MAD1L1: variants seen among roughly 807,000 people sequenced by gnomAD.
MAD1L1 encodes mitotic spindle assembly checkpoint protein MAD1.
Under a neutral mutation model 96.9 loss-of-function variants are expected in MAD1L1, and 95 were observed. That is an observed-to-expected ratio of 0.98 (90% CI 0.83 to 1.16). The LOEUF is 1.16. MAD1L1 is among the 50% of genes most tolerant of loss of function. The pLI, the probability that MAD1L1 is intolerant of heterozygous loss-of-function variation, is 0.00. For synonymous variants in MAD1L1, 473 were observed against 396.6 expected (o/e 1.19, Z -2.29); for missense variants, 1,007 against 954.4 (o/e 1.06, Z -0.73).
intron 16 of MAD1L1, 62 bp from the exon 17 acceptor site, chr7:1,936,959 C>G: frequency 7.4e-7 from 1 of 1,356,202 alleles, no homozygotes; most frequent in Non-Finnish European, 1.0e-6. Context: ...ACGGGTCACA[C>G]ACAGCATGGG....
At chr7:1,969,844 A>G (rs1265163447) in intron 15 of MAD1L1, among the ~76,000 whole-genome samples, 1 of 152,256 alleles carries the variant, frequency 6.6e-6, no homozygotes, top group African/African-American at 2.4e-5. Context: ...AAAAACTGCC[A>G]AACATTGCTA....
chr7:2,077,043 C>A (rs1785411558), intron 11 of MAD1L1, among the ~76,000 whole-genome samples: 1 of 147,814 alleles, frequency 6.8e-6, no homozygotes, highest in Non-Finnish European at 1.5e-5. Flanking sequence ...AGAGTTACGA[C>A]TTGGTGAGCC....
chr7:2,134,249 G>T (rs1284614011), intron 11 of MAD1L1, among the ~76,000 whole-genome samples: 3 of 152,002 alleles, frequency 2.0e-5, no homozygotes, highest in Non-Finnish European at 4.4e-5. Context: ...CTGTTTTTTG[G>T]TGCTAATGTA....
intron 18 of MAD1L1, chr7:1,847,917 C>T: frequency 2.8e-6 from 1 of 356,332 alleles, no homozygotes; most frequent in South Asian, 2.1e-5. Flanking sequence ...CGCAGCTGCT[C>T]ACCTACACAG....
chr7:1,869,014 A>AGGC (rs1371416191), intron 18 of MAD1L1, among the ~76,000 whole-genome samples: 1 of 152,234 alleles, frequency 6.6e-6, no homozygotes, highest in African/African-American at 2.4e-5. Flanking sequence ...TGTGAAAGGC[A>AGGC]GGCTCTGGCT....
At chr7:1,818,877 G>A (rs1412760096) in intron 18 of MAD1L1, among the ~76,000 whole-genome samples, 1 of 151,830 alleles carries the variant, frequency 6.6e-6, no homozygotes, top group East Asian at 1.9e-4. Context: ...GGGGGTGGAC[G>A]GAGACAGGCA....
chr7:2,015,608 GTGTGGGCCTGAAC>G (rs1405721821), intron 12 of MAD1L1, among the ~76,000 whole-genome samples: 1 of 152,236 alleles, frequency 6.6e-6, no homozygotes, highest in Non-Finnish European at 1.5e-5. Context: ...CCTGCCCCAG[GTGTGGGCCTGAAC>G]CACAGCCCCC....
intron 14 of MAD1L1, among the ~76,000 whole-genome samples, chr7:1,997,769 C>T (rs547416847): frequency 6.6e-6 from 1 of 152,330 alleles, no homozygotes; most frequent in Non-Finnish European, 1.5e-5. Flanking sequence ...GGGCCAGCCC[C>T]AACCACGGTG....
intron 17 of MAD1L1, among the ~76,000 whole-genome samples, chr7:1,928,607 C>T (rs1323674484): frequency 6.6e-6 from 1 of 152,250 alleles, no homozygotes; most frequent in African/African-American, 2.4e-5. Context: ...CCTTCTTCTC[C>T]AACTCCCACT....
chr7:1,858,894 TCAGGG>T (rs1784385943), intron 18 of MAD1L1, among the ~76,000 whole-genome samples: 1 of 152,270 alleles, frequency 6.6e-6, no homozygotes, highest in African/African-American at 2.4e-5. Context: ...AGATCCCAGG[TCAGGG>T]CAGGGGGCCC....
At chr7:2,140,506 G>A (rs1427775140) in intron 11 of MAD1L1, among the ~76,000 whole-genome samples, 1 of 152,228 alleles carries the variant, frequency 6.6e-6, no homozygotes, top group African/African-American at 2.4e-5. Flanking sequence ...CAGGGAGAAG[G>A]GAGAAAAGAA....
chr7:1,989,298 C>T (rs147738416), intron 14 of MAD1L1, among the ~76,000 whole-genome samples: 5 of 152,394 alleles, frequency 3.3e-5, no homozygotes, highest in East Asian at 1.9e-4. Context: ...ACTTCTCTCA[C>T]GCCCAGGAGC....
Position 1,892,674 on chromosome 7 carries a change from T to C in MAD1L1, c.1998+5526A>G, listed in dbSNP as rs1029194151. ...CCTGTATACCTTTCCCCCTCATCCA[T>C]ATGACAAACCCGGTAGGTCGACATC... On this transcript the variant is annotated intron_variant, in intron 18 of 18. Coordinates refer to ENST00000265854, the MANE Select transcript of MAD1L1 (RefSeq NM_001013836.2). Among the ~76,000 whole-genome samples the C allele has an allele frequency of 7.2e-5, 11 of 152,164 alleles. 1 individual carries two copies. Among genetic ancestry groups the C allele is most frequent in the African/African-American group, 2.7e-4 (11 of 41,426 alleles).
At position 1,816,116 on chromosome 7, in the gene MAD1L1, A is replaced by C; in HGVS notation, c.2111T>G (p.Leu704Arg). The C allele has an allele frequency of 1.2e-6, 2 of 1,612,850 alleles. No homozygotes were observed. The highest frequency in any genetic ancestry group is 1.7e-6 in the Non-Finnish European group (2 of 1,179,804). The change falls in exon 19 of 19, where the codon CTC becomes CGC. Residue 704 changes from leucine to arginine, a missense_variant. By Grantham distance (102) the Leu-to-Arg change is moderately radical (BLOSUM62 -2). Coordinates refer to ENST00000265854, the MANE Select transcript of MAD1L1 (RefSeq NM_001013836.2). ...LRRQDSIPAF[L>R]SSLTLELFSR... is the part of the protein sequence containing the mutation. ...GAAGAGCTCGAGGGTGAGCGAGCTG[A>C]GGAAGGCAGGGATGCTGTCCTGGCG...
chr7:1,980,042 G>T (rs1477075070), intron 15 of MAD1L1, among the ~76,000 whole-genome samples: 1 of 152,230 alleles, frequency 6.6e-6, no homozygotes, highest in African/African-American at 2.4e-5. Context: ...TTCCAGGAAG[G>T]CAGCAGAGGA....
chr7:2,172,470 A>G (rs1790752139), intron 10 of MAD1L1, among the ~76,000 whole-genome samples: 1 of 152,182 alleles, frequency 6.6e-6, no homozygotes, highest in South Asian at 2.1e-4. Flanking sequence ...TCTCCAGAGA[A>G]CATCCACGCC....
chr7:1,956,240 C>A (rs1418837202), intron 16 of MAD1L1, among the ~76,000 whole-genome samples: 1 of 152,066 alleles, frequency 6.6e-6, no homozygotes, highest in Non-Finnish European at 1.5e-5. Flanking sequence ...TGGACGTCCC[C>A]CCACTAAGGG....
intron 10 of MAD1L1, among the ~76,000 whole-genome samples, chr7:2,186,993 A>G (rs940735137): frequency 6.6e-6 from 1 of 151,798 alleles, no homozygotes; most frequent in Non-Finnish European, 1.5e-5. Context: ...AGGTTTCGCC[A>G]TGTTGGCCAG....
At chr7:2,016,236 G>A (rs571461962) in intron 12 of MAD1L1, among the ~76,000 whole-genome samples, 2 of 152,216 alleles carry the variant, frequency 1.3e-5, no homozygotes, top group African/African-American at 4.8e-5. Context: ...TGCTGCGCAA[G>A]GGGCCAATGC....
Sources: gnomAD v4.1 joint callset for allele counts (sites outside exome capture counted in the v4.1 genomes callset) on GRCh38, gnomAD v4.1.1 for gene constraint, MANE v1.5 for transcripts, NCBI Gene and HGNC (gene_info 2026-07-23, HGNC 2026-07-21) for gene names.